Variants in LRSAM1 observed in about 807,000 individuals in gnomAD.
LRSAM1 encodes the protein leucine rich repeat and sterile alpha motif containing 1.
In LRSAM1, 96 loss-of-function variants were observed where a neutral mutation model predicts 118.1. The observed-to-expected ratio is 0.81, with a 90% CI of 0.69 to 0.96. LRSAM1 has a LOEUF of 0.96. LRSAM1 is among the 40% of genes least tolerant of loss of function. LRSAM1 has a pLI of 0.00. For synonymous variants in LRSAM1, 322 were observed against 364.2 expected (o/e 0.88, Z 1.32); for missense variants, 804 against 915.5 (o/e 0.88, Z 1.57).
In LRSAM1 at chr9:127,467,756, C is replaced by A; in HGVS notation, c.545C>A (p.Ala182Asp). 1 of 1,610,538 alleles carries A rather than the reference C, an allele frequency of 6.2e-7. No homozygotes were observed. Among genetic ancestry groups the A allele is most frequent in the South Asian group, 1.1e-5 (1 of 90,286 alleles). ...VRTLEMLSLD[A>D]SAMVYPPREV... The stretch of plus-strand genomic sequence containing the variant: ...TGTCTGCAGATGCTGAGCCTTGACG[C>A]CTCGGCCATGGTCTACCCGCCGCGG... The change falls in exon 10 of 26, where the codon GCC becomes GAC. Residue 182 changes from alanine to aspartate, a missense_variant. Transcript: ENST00000300417.
Position 127,451,538 on chromosome 9 carries a change from C to T in LRSAM1, c.-320C>T, listed in dbSNP as rs995972401. On this transcript the variant is annotated 5_prime_UTR_variant, in exon 1 of 26. Coordinates refer to ENST00000300417, the MANE Select transcript of LRSAM1 (RefSeq NM_001005373.4). Reference sequence around the variant, plus strand: ...GTGGGCAGGCGCCTGAGGCTGACGGCTGGCAAGCAGGGCACCGCGGTGCGC... The same window carrying T: ...GTGGGCAGGCGCCTGAGGCTGACGGTTGGCAAGCAGGGCACCGCGGTGCGC... 2 of 596,620 alleles carry T rather than the reference C, an allele frequency of 3.4e-6. No individual in the cohort carries two copies. The highest frequency in any genetic ancestry group is 5.9e-6 in the Non-Finnish European group (2 of 336,438). 37.0% of individuals were successfully genotyped at this position (596,620 alleles called of 1,614,324 possible). A position where few individuals can be genotyped will look rare whatever the true frequency, so the allele number is the denominator to read the frequency against.
At chr9:127,467,526 G>A (rs914850940) in intron 9 of LRSAM1, among the ~76,000 whole-genome samples, 1 of 152,192 alleles carries the variant, frequency 6.6e-6, no homozygotes, top group African/African-American at 2.4e-5. Context: ...GAGTCACTCA[G>A]GTTAAAACAA....
chr9:127,477,688 T>A (rs1367413143), intron 11 of LRSAM1, among the ~76,000 whole-genome samples: 2 of 152,158 alleles, frequency 1.3e-5, no homozygotes, highest in African/African-American at 4.8e-5. Context: ...AGGTCGCGGC[T>A]GCAGTGAGCT....
chr9:127,499,979 T>C (rs1371963174), intron 24 of LRSAM1, among the ~76,000 whole-genome samples: 1 of 151,870 alleles, frequency 6.6e-6, no homozygotes, highest in African/African-American at 2.4e-5. Context: ...TGCTTGTAAT[T>C]CAAGCCGTAG....
intron 25 of LRSAM1, among the ~76,000 whole-genome samples, chr9:127,502,559 C>T (rs1052174023): frequency 2.0e-5 from 3 of 151,894 alleles, no homozygotes; most frequent in Admixed American, 6.6e-5. Flanking sequence ...TGGTGGTGCA[C>T]GCCTGTAGTC....
chr9:127,455,685 G>A, intron 5 of LRSAM1, 65 bp downstream of exon 5: 1 of 1,496,408 alleles, frequency 6.7e-7, no homozygotes, highest in Admixed American at 1.7e-5. Flanking sequence ...ACCCACAAGG[G>A]ACTTTGAGGA....
At chr9:127,487,862 A>C in intron 18 of LRSAM1, 99 bp downstream of exon 18, 1 of 891,462 alleles carries the variant, frequency 1.1e-6, no homozygotes, top group Non-Finnish European at 1.7e-6. Context: ...CCTAGACAGC[A>C]TGTGGGACCA....
intron 2 of LRSAM1, chr9:127,453,414 A>T (rs1834396287): frequency 8.8e-6 from 1 of 114,200 alleles, no homozygotes; most frequent in South Asian, 2.6e-4. Context: ...TTATGGTGAG[A>T]ACAAAATGGA....
intron 10 of LRSAM1, among the ~76,000 whole-genome samples, chr9:127,468,810 CAAAAA>C (rs1185949155): frequency 6.1e-5 from 1 of 16,446 alleles, no homozygotes; most frequent in African/African-American, 1.7e-4. Flanking sequence ...CCTGTCTCTA[CAAAAA>C]AAAAAAAAAA....
intron 10 of LRSAM1, among the ~76,000 whole-genome samples, chr9:127,473,157 T>C (rs1407671569): frequency 6.6e-6 from 1 of 152,234 alleles, no homozygotes; most frequent in Non-Finnish European, 1.5e-5. Context: ...ATTTTTAGTA[T>C]TTCTTGTGAC....
rs144645671 is a variant in LRSAM1, at chr9:127,467,796, C to T, written c.585C>T (p.Ala195=). The T allele has an allele frequency of 3.1e-5, 50 of 1,607,710 alleles. No individual in the cohort carries two copies. In the African/African-American group the frequency reaches 4.9e-4, roughly 16 times the overall value. The change falls in exon 10 of 26, where the codon GCC becomes GCT. Residue 195 remains alanine (A), a synonymous_variant. Coordinates refer to ENST00000300417, the MANE Select transcript of LRSAM1 (RefSeq NM_001005373.4). ...ACCCGCCGCGGGAGGTGTGTGGTGCCGGCACTGCGGCCATCTTGCAGTTCC... is the reference window on the plus strand; with the variant it reads ...ACCCGCCGCGGGAGGTGTGTGGTGCTGGCACTGCGGCCATCTTGCAGTTCC... ...MVYPPREVCG[A]GTAAILQFLC... is the part of the protein sequence containing the mutation.
In LRSAM1 at chr9:127,478,942, C is replaced by G; in HGVS notation, c.759C>G (p.Phe253Leu). ...SREELEWQNR[F>L]SDYEKRKEQK... ...TCTTTTTTTCCTCCCAGAACAGGTT[C>G]TCAGACTATGAGAAGAGGAAGGTAA... Residue 253 changes from phenylalanine (F) to leucine (L), a missense_variant, in exon 12 of 26, where the codon TTC becomes TTG. Phe to Leu is a conservative substitution (Grantham distance 22, BLOSUM62 0). Coordinates refer to ENST00000300417, the MANE Select transcript of LRSAM1 (RefSeq NM_001005373.4). 1 of 1,614,110 alleles carries G rather than the reference C, an allele frequency of 6.2e-7. No individual in the cohort carries two copies. The highest frequency in any genetic ancestry group is 8.5e-7 in the Non-Finnish European group (1 of 1,179,956).
intron 9 of LRSAM1, among the ~76,000 whole-genome samples, chr9:127,467,306 A>T (rs1162847702): frequency 2.0e-5 from 3 of 152,242 alleles, no homozygotes; most frequent in Non-Finnish European, 2.9e-5. Flanking sequence ...ACTATCACAA[A>T]GGGATAAATG....
intron 24 of LRSAM1, 48 bp downstream of exon 24, chr9:127,497,382 T>A: frequency 6.4e-7 from 1 of 1,559,852 alleles, no homozygotes; most frequent in South Asian, 1.1e-5. Flanking sequence ...CAGCCGTATG[T>A]GTGGGCTCTG....
intron 7 of LRSAM1, among the ~76,000 whole-genome samples, chr9:127,460,726 A>T (rs576720473): frequency 3.9e-4 from 59 of 150,562 alleles, no homozygotes; most frequent in Middle Eastern, 3.5e-3. Flanking sequence ...AAGGGCCGGT[A>T]GGGGGAGATA....
intron 25 of LRSAM1, 152 bp downstream of exon 25, chr9:127,501,295 T>TGG (rs780246859): frequency 6.7e-6 from 7 of 1,041,602 alleles, no homozygotes; most frequent in Non-Finnish European, 9.5e-6. Flanking sequence ...AGATGACCCC[T>TGG]GGTCCCATGA....
intron 14 of LRSAM1, 86 bp from the exon 15 acceptor site, chr9:127,481,097 C>G: frequency 6.7e-7 from 1 of 1,491,998 alleles, no homozygotes; most frequent in Non-Finnish European, 9.3e-7. Context: ...CAGCCCATTT[C>G]CTAAGCCCCT....
chr9:127,492,711 G>A, intron 20 of LRSAM1, 91 bp from the exon 21 acceptor site: 2 of 1,195,462 alleles, frequency 1.7e-6, no homozygotes, highest in Admixed American at 1.9e-5. Context: ...AACCGAGTGA[G>A]CGGGAGGCCA....
In LRSAM1 at chr9:127,459,217, G is replaced by GTT. The variant is rs373307015; in HGVS notation, c.321+162_321+163dup. The GTT allele has an allele frequency of 0.066, 37,443 of 568,050 alleles. 98 individuals carry two copies. The highest frequency in any genetic ancestry group is 0.079 in the Non-Finnish European group (25,431 of 323,010). 35.2% of individuals were successfully genotyped at this position (568,050 alleles called of 1,614,324 possible). On this transcript the variant is annotated intron_variant, in intron 7 of 25. Transcript: ENST00000300417. Reference sequence around the variant, plus strand: ...TCCACCCTCCCCTTGGCCCTTTGGGGTTTTTTTTTTTTTTTTTGAGGCAGT... The same window carrying GTT: ...TCCACCCTCCCCTTGGCCCTTTGGGGTTTTTTTTTTTTTTTTTTTGAGGCAGT...
Sources: gnomAD v4.1 joint callset for allele counts (sites outside exome capture counted in the v4.1 genomes callset) on GRCh38, gnomAD v4.1.1 for gene constraint, MANE v1.5 for transcripts, NCBI Gene and HGNC (gene_info 2026-07-23, HGNC 2026-07-21) for gene names.